Variants in DNM1L observed in about 807,000 individuals in gnomAD.
DNM1L encodes dynamin 1L.
DNM1L carries 33 observed loss-of-function variants against 92.8 expected under a neutral mutation model. That is an observed-to-expected ratio of 0.36 (90% CI 0.27 to 0.48). DNM1L has a LOEUF of 0.48. DNM1L is among the 20% of genes least tolerant of loss of function. DNM1L has a pLI of 0.99. For missense variants in DNM1L, 485 were observed against 888.8 expected (o/e 0.55, Z 5.78); for synonymous variants, 284 against 305.0 (o/e 0.93, Z 0.72).
At chr12:32,698,144 T>A (rs1357273256) in intron 1 of DNM1L, among the ~76,000 whole-genome samples, 1 of 152,218 alleles carries the variant, frequency 6.6e-6, no homozygotes, top group African/African-American at 2.4e-5. Flanking sequence ...ATATCACAAC[T>A]GCAGTTTCGC....
intron 1 of DNM1L, among the ~76,000 whole-genome samples, chr12:32,682,155 C>A (rs1169775268): frequency 6.6e-6 from 1 of 150,952 alleles, no homozygotes; most frequent in Non-Finnish European, 1.5e-5. Context: ...TTTTTGAGAC[C>A]GAGTTTCGCT....
chr12:32,715,885 G>A (rs377497185), intron 6 of DNM1L, among the ~76,000 whole-genome samples: 244 of 151,966 alleles, frequency 1.6e-3, no homozygotes, highest in African/African-American at 4.8e-3. Context: ...TAGCAGTCCC[G>A]TTCCTAGGTG....
At position 32,685,728 on chromosome 12, in the gene DNM1L, G is replaced by T. The variant is rs992069834; in HGVS notation, c.102+6263G>T. On this transcript the variant is annotated intron_variant, in intron 1 of 19. Transcript: ENST00000549701. ...CTGCACATCCTTATCAACACTTGTT[G>T]TTATCTTTTTTTTTTAAGCGCTAAA... Among the ~76,000 whole-genome samples, 20 of 147,990 alleles carry T rather than the reference G, an allele frequency of 1.4e-4. No individual in the cohort carries two copies. In the East Asian group the frequency reaches 3.7e-3, roughly 27 times the overall value.
chr12:32,712,377 A>G (rs1024033173), intron 5 of DNM1L, among the ~76,000 whole-genome samples: 3 of 151,994 alleles, frequency 2.0e-5, no homozygotes, highest in African/African-American at 7.3e-5. Context: ...TCTGTATGTT[A>G]TTGCTCCCTT....
chr12:32,713,501 A>C (rs1953219967), intron 6 of DNM1L, 130 bp downstream of exon 6: 1 of 1,051,954 alleles, frequency 9.5e-7, no homozygotes, highest in Non-Finnish European at 1.4e-6. Flanking sequence ...ATGCTTTCCT[A>C]TTTTTGTTTA....
chr12:32,717,625 A>G (rs1412529245), intron 6 of DNM1L, among the ~76,000 whole-genome samples: 1 of 102,642 alleles, frequency 9.7e-6, no homozygotes, highest in East Asian at 2.6e-4. Flanking sequence ...GTAGATATAT[A>G]TATAAAAAAT....
intron 7 of DNM1L, 88 bp from the exon 8 acceptor site, chr12:32,720,576 T>TA (rs1015734391): frequency 3.2e-6 from 5 of 1,567,950 alleles, no homozygotes; most frequent in Non-Finnish European, 3.5e-6. Flanking sequence ...TGTCAGGTAT[T>TA]AGAGAACAAT....
intron 17 of DNM1L, 27 bp from the exon 18 acceptor site, chr12:32,740,382 T>C (rs776727682): frequency 2.5e-6 from 4 of 1,611,016 alleles, no homozygotes; most frequent in African/African-American, 2.7e-5. Flanking sequence ...ACAAAAGTAA[T>C]ATTTTTTCCC....
At chr12:32,682,031 C>T (rs1951825502) in intron 1 of DNM1L, among the ~76,000 whole-genome samples, 1 of 151,950 alleles carries the variant, frequency 6.6e-6, no homozygotes, top group Non-Finnish European at 1.5e-5. Context: ...CAAGTGTAGT[C>T]TCTATCCTAC....
intron 13 of DNM1L, among the ~76,000 whole-genome samples, chr12:32,736,067 CTTTTTTTT>C (rs773591822): frequency 8.8e-6 from 1 of 113,046 alleles, no homozygotes; most frequent in African/African-American, 3.6e-5. Context: ...TCTTCATAAT[CTTTTTTTT>C]TTTTTTTTTT....
At chr12:32,741,897 CCTA>C (rs1955324802) in intron 18 of DNM1L, among the ~76,000 whole-genome samples, 1 of 152,074 alleles carries the variant, frequency 6.6e-6, no homozygotes, top group Non-Finnish European at 1.5e-5. Context: ...AATGAAATCA[CCTA>C]ATAATGCATT....
At chr12:32,686,516 T>G (rs1952020728) in intron 1 of DNM1L, among the ~76,000 whole-genome samples, 1 of 152,268 alleles carries the variant, frequency 6.6e-6, no homozygotes, top group South Asian at 2.1e-4. Context: ...GTTATATGTA[T>G]AAACCACATT....
chr12:32,721,404 T>C (rs960714208), intron 8 of DNM1L, among the ~76,000 whole-genome samples: 2 of 152,202 alleles, frequency 1.3e-5, no homozygotes, highest in African/African-American at 4.8e-5. Flanking sequence ...CAATTGTAAA[T>C]GACAAGTCAA....
intron 1 of DNM1L, among the ~76,000 whole-genome samples, chr12:32,683,122 C>T (rs982516130): frequency 7.9e-5 from 12 of 152,286 alleles, no homozygotes; most frequent in African/African-American, 2.2e-4. Context: ...GAGACTCTGG[C>T]TTAGTGTTCC....
At chr12:32,696,686 G>A (rs939807134) in intron 1 of DNM1L, among the ~76,000 whole-genome samples, 2 of 151,242 alleles carry the variant, frequency 1.3e-5, no homozygotes, top group Admixed American at 1.3e-4. Flanking sequence ...GTGCAATGGC[G>A]TGATCTCGGC....
intron 2 of DNM1L, among the ~76,000 whole-genome samples, chr12:32,704,418 C>T (rs566038690): frequency 1.9e-4 from 29 of 151,780 alleles, no homozygotes; most frequent in African/African-American, 6.3e-4. Context: ...GGTGTGGTGG[C>T]GGGTGCCTGT....
rs972264615 is a variant in DNM1L at position 32,686,045 on chromosome 12, C to CTTTTTTTTTTT, written c.102+6592_102+6602dup. Among the ~76,000 whole-genome samples the CTTTTTTTTTTT allele has an allele frequency of 1.3e-4, 11 of 82,686 alleles. 1 individual carries two copies. The highest frequency in any genetic ancestry group is 6.0e-4 in the African/African-American group (10 of 16,634). The allele number at this position is 82,686 out of a possible 152,430, so 54.2% of individuals were successfully genotyped here. A position where few individuals can be genotyped will look rare whatever the true frequency, so the allele number is the denominator to read the frequency against. On this transcript the variant is annotated intron_variant, in intron 1 of 19. Transcript: ENST00000549701. ...GAAATTTGCAGAACATAAAATTAGC[C>CTTTTTTTTTTT]TTTTTTTTTTTTTTTTTTTTTTGAG...
intron 18 of DNM1L, among the ~76,000 whole-genome samples, chr12:32,741,058 C>G (rs1417798538): frequency 6.6e-6 from 1 of 152,142 alleles, no homozygotes; most frequent in Non-Finnish European, 1.5e-5. Context: ...TATTCTGCAT[C>G]CAGTTTTTGG....
intron 6 of DNM1L, 49 bp from the exon 7 acceptor site, chr12:32,718,594 G>T: frequency 6.2e-7 from 1 of 1,611,034 alleles, no homozygotes; most frequent in South Asian, 1.1e-5. Context: ...GTATTTAATG[G>T]ATCATTTTCT....
Sources: allele counts gnomAD v4.1 joint callset (sites outside exome capture counted in the v4.1 genomes callset), GRCh38; gene constraint gnomAD v4.1.1; transcripts MANE v1.5; gene names NCBI Gene and HGNC (gene_info 2026-07-23, HGNC 2026-07-21).